ANKRD27: variants seen among roughly 807,000 people sequenced by gnomAD.
ANKRD27 encodes ankyrin repeat domain 27.
In ANKRD27, 112 loss-of-function variants were observed where a neutral mutation model predicts 129.7. The observed-to-expected ratio is 0.86, with a 90% CI of 0.74 to 1.01. The LOEUF (loss-of-function observed/expected upper bound fraction) is 1.01, where lower values mean the gene tolerates loss of function less well. ANKRD27 is among the 50% of genes least tolerant of loss of function. The probability of loss-of-function intolerance (pLI) is 0.00; values close to 1 mark genes in which losing one functional copy is unlikely to be tolerated. For synonymous variants in ANKRD27, 516 were observed against 511.2 expected (o/e 1.01, Z -0.13); for missense variants, 1,258 against 1,300.5 (o/e 0.97, Z 0.50).
intron 2 of ANKRD27, among the ~76,000 whole-genome samples, chr19:32,656,103 G>GGAAAAGAAAAGAAAAGAAAAGA (rs753712685): frequency 3.8e-4 from 47 of 123,740 alleles, no homozygotes; most frequent in East Asian, 1.5e-3. Context: ...AAGAAAGAAA[G>GGAAAAGAAAAGAAAAGAAAAGA]AAAGAAAAGA....
chr19:32,671,120 C>T (rs1243115407), intron 1 of ANKRD27, among the ~76,000 whole-genome samples: 1 of 151,936 alleles, frequency 6.6e-6, no homozygotes, highest in African/African-American at 2.4e-5. Flanking sequence ...CAAAGTGAGA[C>T]CCTGTCTCTA....
intron 2 of ANKRD27, among the ~76,000 whole-genome samples, chr19:32,653,468 C>T (rs958956879): frequency 1.3e-5 from 2 of 152,152 alleles, no homozygotes; most frequent in Admixed American, 6.6e-5. Flanking sequence ...GCCCCAGGGA[C>T]GCAGACCTGC....
chr19:32,654,478 C>T (rs1967481547), intron 2 of ANKRD27, among the ~76,000 whole-genome samples: 1 of 152,212 alleles, frequency 6.6e-6, no homozygotes, highest in African/African-American at 2.4e-5. Context: ...AGATATTCGA[C>T]TTTTTCTTTC....
intron 25 of ANKRD27, 129 bp downstream of exon 25, chr19:32,604,134 C>T: frequency 2.8e-6 from 3 of 1,085,490 alleles, no homozygotes; most frequent in Non-Finnish European, 3.8e-6. Flanking sequence ...TTCTGGCACA[C>T]CAACTACGCC....
Position 32,597,897 on chromosome 19 carries a change from TCTGGATGCTA to T in ANKRD27, c.*238_*247del. ...GAAGCATGCACCTCTGGCTTAAGGA[TCTGGATGCTA>T]CTGGAATTTTTGTCTGTTTCAATTG... On this transcript the variant is annotated 3_prime_UTR_variant, in exon 29 of 29. Coordinates refer to ENST00000306065, the MANE Select transcript of ANKRD27 (RefSeq NM_032139.3). 1 of 547,190 alleles carries T rather than the reference TCTGGATGCTA, an allele frequency of 1.8e-6. No homozygotes were observed. The allele number at this position is 547,190 out of a possible 1,614,324, so 33.9% of individuals were successfully genotyped here. A position where few individuals can be genotyped will look rare whatever the true frequency, so the allele number is the denominator to read the frequency against.
At chr19:32,673,404 C>A in intron 1 of ANKRD27, 4 of 985,394 alleles carry the variant, frequency 4.1e-6, no homozygotes, top group Non-Finnish European at 4.8e-6. Flanking sequence ...ACCAGCAACA[C>A]AACAAAGCGA....
chr19:32,622,385 C>T (rs746242350), intron 18 of ANKRD27, 37 bp downstream of exon 18: 19 of 1,607,778 alleles, frequency 1.2e-5, no homozygotes, highest in Middle Eastern at 1.6e-4. Context: ...GATCTTCTTT[C>T]GAAGTCATCT....
chr19:32,627,361 A>ATTTT (rs915108112), intron 15 of ANKRD27, among the ~76,000 whole-genome samples: 23 of 139,564 alleles, frequency 1.6e-4, no homozygotes, highest in Admixed American at 7.5e-4. Flanking sequence ...TGTGCACTTT[A>ATTTT]TTTTATTTAT....
chr19:32,647,008 T>TA lies in ANKRD27; in HGVS notation c.214-394dup, dbSNP rs548079712. On this transcript the variant is annotated intron_variant, in intron 3 of 28. Transcript: ENST00000306065. ...ACCCAGCTAATTTTTGTATTTTTAG[T>TA]AGAGACACAGTTTTGTCATGTTGGC... is the stretch of plus-strand genomic sequence containing the variant. 3.0e-4 allele frequency among the ~76,000 whole-genome samples: 46 copies of TA among 152,224 alleles called. 1 individual carries two copies. The South Asian group carries it at 9.3e-3, about 31-fold the overall frequency.
intron 22 of ANKRD27, 93 bp from the exon 23 acceptor site, chr19:32,607,925 C>T: frequency 7.8e-7 from 1 of 1,278,134 alleles, no homozygotes; most frequent in Admixed American, 2.2e-5. Flanking sequence ...ACAGCTCCCA[C>T]ACACAATGCG....
intron 12 of ANKRD27, among the ~76,000 whole-genome samples, chr19:32,635,036 C>T (rs1967064533): frequency 6.6e-6 from 1 of 152,148 alleles, no homozygotes; most frequent in Admixed American, 6.5e-5. Flanking sequence ...GTGTGAGAAG[C>T]CGATGTATAC....
intron 22 of ANKRD27, among the ~76,000 whole-genome samples, chr19:32,608,182 T>A (rs55868846): frequency 6.6e-6 from 1 of 150,538 alleles, no homozygotes; most frequent in Non-Finnish European, 1.5e-5. Flanking sequence ...TTTTTTTTTT[T>A]TTTTTTTTTG....
intron 25 of ANKRD27, among the ~76,000 whole-genome samples, chr19:32,602,361 G>A (rs1971666612): frequency 6.6e-6 from 1 of 151,920 alleles, no homozygotes; most frequent in Non-Finnish European, 1.5e-5. Context: ...ACTCCACGCT[G>A]GGGATTCAAC....
intron 1 of ANKRD27, among the ~76,000 whole-genome samples, chr19:32,670,759 C>T (rs144675931): frequency 0.013 from 2,013 of 151,432 alleles, 47 homozygotes; most frequent in African/African-American, 0.047. Flanking sequence ...TTTGGAAGGC[C>T]GAGGCGGGCT....
At chr19:32,616,354 C>T (rs965865855) in intron 21 of ANKRD27, among the ~76,000 whole-genome samples, 1 of 151,890 alleles carries the variant, frequency 6.6e-6, no homozygotes, top group Non-Finnish European at 1.5e-5. Flanking sequence ...GGAGTTCAAG[C>T]CCAGCCTGGC....
chr19:32,639,471 T>C lies in ANKRD27; in HGVS notation c.1001A>G (p.Tyr334Cys). The C allele has an allele frequency of 6.2e-7, 1 of 1,613,142 alleles. No individual in the cohort carries two copies. The highest frequency in any genetic ancestry group is 8.5e-7 in the Non-Finnish European group (1 of 1,179,522). Residue 334 changes from tyrosine (Y) to cysteine (C), a missense_variant, in exon 12 of 29, where the codon TAC (tyrosine) becomes TGC (cysteine). Physicochemically the swap from Tyr to Cys is radical, Grantham distance 194. Transcript: ENST00000306065. ...EIPNWMANLS[Y>C]IKNFRFSSLA... is the part of the protein sequence containing the mutation. ...GCTGCTAAACCTGAAGTTTTTGATG[T>C]AACTCAAATTTGCCATCCTAATGAA... is the stretch of plus-strand genomic sequence containing the variant.
chr19:32,636,469 G>C (rs1967091303), intron 12 of ANKRD27: 1 of 139,522 alleles, frequency 7.2e-6, no homozygotes, highest in Non-Finnish European at 1.5e-5. Flanking sequence ...TCACATGCAA[G>C]AAATGAACGA....
intron 1 of ANKRD27, chr19:32,673,202 C>A: frequency 1.2e-6 from 1 of 811,352 alleles, no homozygotes; most frequent in Non-Finnish European, 1.5e-6. Context: ...AAGATTATTT[C>A]AGGTCACCAG....
At chr19:32,649,817 A>G (rs369747308) in intron 2 of ANKRD27, 25 bp from the exon 3 acceptor site, 4 of 1,475,656 alleles carry the variant, frequency 2.7e-6, no homozygotes, top group Non-Finnish European at 3.8e-6. Flanking sequence ...TCGGGGCAAC[A>G]TTAGACAGAC....
Sources: gnomAD v4.1 joint callset for allele counts (sites outside exome capture counted in the v4.1 genomes callset) on GRCh38, gnomAD v4.1.1 for gene constraint, MANE v1.5 for transcripts, NCBI Gene and HGNC (gene_info 2026-07-23, HGNC 2026-07-21) for gene names.